The following PAK3 variants were observed in gnomAD, a reference collection of about 807,000 sequenced individuals.
PAK3 encodes the protein p21 (RAC1) activated kinase 3.
PAK3 carries 4 observed loss-of-function variants against 41.0 expected under a neutral mutation model. The observed-to-expected ratio is 0.10, with a 90% confidence interval of 0.05 to 0.22. The LOEUF is 0.22. Among genes scored for constraint, PAK3 ranks in the 10% least tolerant of loss-of-function variants. PAK3 has a pLI of 1.00. For missense variants in PAK3, 205 were observed against 409.9 expected, an observed-to-expected ratio of 0.50 and a Z score of 4.32; for synonymous variants, 146 against 139.6, an observed-to-expected ratio of 1.05 and a Z score of -0.32.
intron 4 of PAK3, among the ~76,000 whole-genome samples, chrX:111,110,745 C>T (rs1003753035): frequency 9.8e-5 from 11 of 111,760 alleles, no homozygotes; most frequent in African/African-American, 2.9e-4. Flanking sequence ...TTAAAACATA[C>T]GGAGACACTT....
At chrX:111,020,754 G>A (rs2092165668) in intron 1 of PAK3, among the ~76,000 whole-genome samples, 1 of 111,555 alleles carries the variant, frequency 9.0e-6, no homozygotes, top group Non-Finnish European at 1.9e-5. Context: ...GTGGTCTGGG[G>A]TAAGTTCTCA....
intron 1 of PAK3, among the ~76,000 whole-genome samples, chrX:111,006,699 T>TCCTA (rs2091929522): frequency 9.0e-6 from 1 of 111,343 alleles, no homozygotes; most frequent in Middle Eastern, 4.2e-3. Context: ...TGAGACATTA[T>TCCTA]CCTACATCAG....
In PAK3 at chrX:111,194,379, CTG is replaced by C; in HGVS notation, c.1073_1074del (p.Cys358TyrfsTer3). 1 of 1,173,056 alleles carries C rather than the reference CTG, an allele frequency of 8.5e-7. No homozygotes were observed. The highest frequency in any genetic ancestry group is 1.2e-6 in the Non-Finnish European group (1 of 860,494). ...CTCTGACTGATGTGGTCACAGAGAC[CTG>C]TATGGATGAAGGACAGATAGCAGCT... ...GSLTDVVTET[C>X]MDEGQIAAVC... On this transcript the variant is annotated frameshift_variant, in exon 14 of 18. Coordinates refer to ENST00000372007, the MANE Select transcript of PAK3 (RefSeq NM_002578.5). LOFTEE classifies it high-confidence loss of function.
chrX:111,132,593 TTTA>T (rs1317168845), intron 5 of PAK3, among the ~76,000 whole-genome samples: 1 of 111,429 alleles, frequency 9.0e-6, no homozygotes, highest in African/African-American at 3.3e-5. Flanking sequence ...TTAGGCTTCC[TTTA>T]TCTCAAAGGA....
At chrX:110,966,347 G>A (rs371588328) in intron 1 of PAK3, among the ~76,000 whole-genome samples, 6 of 110,313 alleles carry the variant, frequency 5.4e-5, no homozygotes, top group Admixed American at 3.9e-4. Context: ...TAATTCTACC[G>A]CCTCTACAGG....
intron 16 of PAK3, among the ~76,000 whole-genome samples, chrX:111,208,302 T>C (rs2094777865): frequency 8.9e-6 from 1 of 112,391 alleles, no homozygotes; most frequent in East Asian, 2.8e-4. Context: ...TAATTTATTA[T>C]CGAAGAAAGA....
chrX:111,198,479 A>C lies in PAK3; in HGVS notation c.1407+1839A>C, dbSNP rs1476860331. Among the ~76,000 whole-genome samples the C allele has an allele frequency of 2.7e-5, 3 of 112,292 alleles. No individual in the cohort carries two copies. The South Asian group carries it at 1.1e-3, about 41-fold the overall frequency. On this transcript the variant is annotated intron_variant, in intron 16 of 17. Transcript: ENST00000372007. ...TTTAGGTTTTACATTTAAGTATGTA[A>C]TCCATCTTGAGTTGATTTTTGCATA...
intron 1 of PAK3, among the ~76,000 whole-genome samples, chrX:111,003,150 C>T (rs1261246863): frequency 9.0e-6 from 1 of 111,696 alleles, no homozygotes; most frequent in African/African-American, 3.3e-5. Flanking sequence ...GGATAGTCTT[C>T]ATAGGGAAGG....
Position 111,220,945 on chromosome X carries a change from C to CAAAAAAAAAAAAAAAAAAAAAAAAAACA in PAK3, c.*515_*516insAAAAAAAAACAAAAAAAAAAAAAAAAAA. ...AAAAAAGAAAGCAAAAAAAGCAAGG[C>CAAAAAAAAAAAAAAAAAAAAAAAAAACA]AAAAAAAAAAAAAAAAACAAACAAA... On this transcript the variant is annotated 3_prime_UTR_variant, in exon 18 of 18. Coordinates refer to ENST00000372007, the MANE Select transcript of PAK3 (RefSeq NM_002578.5). 2.0e-5 allele frequency: 1 copy of CAAAAAAAAAAAAAAAAAAAAAAAAAACA among 49,447 alleles called. No homozygotes were observed. Among genetic ancestry groups the CAAAAAAAAAAAAAAAAAAAAAAAAAACA allele is most frequent in the Non-Finnish European group, 3.5e-5 (1 of 28,196 alleles). 4.1% of individuals were successfully genotyped at this position (49,447 alleles called of 1,213,427 possible).
At chrX:110,978,640 CCTT>C (rs1353374718) in intron 1 of PAK3, among the ~76,000 whole-genome samples, 2 of 109,419 alleles carry the variant, frequency 1.8e-5, no homozygotes, top group African/African-American at 3.3e-5. Context: ...TTGGTTTGTG[CCTT>C]CTTTCTTTTT....
intron 1 of PAK3, among the ~76,000 whole-genome samples, chrX:111,082,774 G>A (rs916760747): frequency 2.7e-5 from 3 of 111,887 alleles, no homozygotes; most frequent in Non-Finnish European, 5.6e-5. Flanking sequence ...TTTCCTGACA[G>A]ATGATAGACA....
At chrX:111,117,976 C>T (rs1314982781) in intron 4 of PAK3, among the ~76,000 whole-genome samples, 1 of 111,313 alleles carries the variant, frequency 9.0e-6, no homozygotes, top group African/African-American at 3.3e-5. Context: ...GGGTTCAGAG[C>T]TGCTAGGAGA....
intron 1 of PAK3, among the ~76,000 whole-genome samples, chrX:110,996,463 G>T (rs776891694): frequency 9.0e-6 from 1 of 111,690 alleles, no homozygotes; most frequent in African/African-American, 3.3e-5. Flanking sequence ...TAGACTAAAT[G>T]GTTGTGTCTT....
chrX:110,959,448 C>G (rs995073302), intron 1 of PAK3, among the ~76,000 whole-genome samples: 8 of 111,818 alleles, frequency 7.2e-5, no homozygotes, highest in African/African-American at 2.6e-4. Context: ...CCTTTGAGAT[C>G]TATGTTGCAT....
chrX:111,075,802 G>A (rs772272173), intron 1 of PAK3, among the ~76,000 whole-genome samples: 1 of 112,766 alleles, frequency 8.9e-6, no homozygotes, highest in East Asian at 2.8e-4. Flanking sequence ...CAACCCATCA[G>A]AGCAGCTACA....
chrX:111,144,854 C>G, intron 6 of PAK3: 1 of 1,116,690 alleles, frequency 9.0e-7, no homozygotes, highest in Non-Finnish European at 1.2e-6. Flanking sequence ...GTCCCAAATA[C>G]TTCAGAACTC....
chrX:110,995,522 A>G (rs1338734605), intron 1 of PAK3, among the ~76,000 whole-genome samples: 4 of 111,258 alleles, frequency 3.6e-5, no homozygotes, highest in Non-Finnish European at 5.7e-5. Context: ...AGTCCAGACC[A>G]CTGTTGAGTC....
chrX:111,185,101 G>A (rs756235110), intron 11 of PAK3, among the ~76,000 whole-genome samples: 165 of 112,102 alleles, frequency 1.5e-3, no homozygotes, highest in African/African-American at 5.1e-3. Flanking sequence ...TCTAACTGGC[G>A]TGAGATGGTA....
intron 1 of PAK3, among the ~76,000 whole-genome samples, chrX:110,984,899 C>T (rs758968342): frequency 1.8e-5 from 2 of 109,670 alleles, no homozygotes; most frequent in South Asian, 8.0e-4. Context: ...GAGGTCAGGG[C>T]GGGCAAATCG....
Sources: allele counts gnomAD v4.1 joint callset (sites outside exome capture counted in the v4.1 genomes callset), GRCh38; gene constraint gnomAD v4.1.1; transcripts MANE v1.5; gene names NCBI Gene and HGNC (gene_info 2026-07-23, HGNC 2026-07-21).